The following MIR2052HG variants were observed in gnomAD, a reference collection of about 807,000 sequenced individuals.
MIR2052HG encodes MIR2052 host gene.
chr8:74,652,640 G>A (rs183316753), intron 2 of MIR2052HG, among the ~76,000 whole-genome samples: 4 of 152,214 alleles, frequency 2.6e-5, no homozygotes, highest in Admixed American at 2.6e-4. Context: ...TTTAAAAATA[G>A]GGTTCTCTGG....
At chr8:74,638,185 C>T (rs1238486839) in intron 2 of MIR2052HG, among the ~76,000 whole-genome samples, 2 of 152,192 alleles carry the variant, frequency 1.3e-5, no homozygotes, top group Admixed American at 1.3e-4. Flanking sequence ...AGAGAGAGAA[C>T]AGCACACACA....
rs187214826 is a variant in MIR2052HG at position 74,676,259 on chromosome 8, G to A, written n.217-26120G>A. On this transcript the variant is annotated intron_variant and non_coding_transcript_variant, in intron 2 of 6. Transcript: ENST00000523442. ...ACATATGTAGATGCATAAATAAATA[G>A]CAGATAAATTAATAATAAAATGTTG... is the stretch of plus-strand genomic sequence containing the variant. Among the ~76,000 whole-genome samples the A allele has an allele frequency of 3.6e-4, 55 of 152,080 alleles. No individual in the cohort carries two copies. In the East Asian group the frequency reaches 0.01, roughly 29 times the overall value.
At chr8:74,719,849 CTT>C (rs10647233) in intron 4 of MIR2052HG, among the ~76,000 whole-genome samples, 5 of 106,710 alleles carry the variant, frequency 4.7e-5, no homozygotes, top group Non-Finnish European at 7.3e-5. Flanking sequence ...TTTCTTTTTT[CTT>C]TTTTTTTTTT....
intron 2 of MIR2052HG, among the ~76,000 whole-genome samples, chr8:74,681,494 C>A (rs1302470218): frequency 6.6e-6 from 1 of 152,068 alleles, no homozygotes; most frequent in African/African-American, 2.4e-5. Context: ...CCAAGAAATG[C>A]AACTACCATG....
chr8:74,674,564 A>G (rs1360747511), intron 2 of MIR2052HG, among the ~76,000 whole-genome samples: 8 of 152,050 alleles, frequency 5.3e-5, no homozygotes, highest in Admixed American at 4.6e-4. Flanking sequence ...ATAAAGAATC[A>G]TGAGAGAATT....
At chr8:74,613,544 G>T (rs1013835791) in intron 2 of MIR2052HG, among the ~76,000 whole-genome samples, 15 of 152,150 alleles carry the variant, frequency 9.9e-5, no homozygotes, top group Non-Finnish European at 1.8e-4. Flanking sequence ...GGGTACAGTG[G>T]CAGGATCTTG....
At chr8:74,627,345 A>T (rs1186762739) in intron 2 of MIR2052HG, among the ~76,000 whole-genome samples, 1 of 152,228 alleles carries the variant, frequency 6.6e-6, no homozygotes, top group African/African-American at 2.4e-5. Flanking sequence ...TAAGCACATG[A>T]CCAATGGCTG....
intron 2 of MIR2052HG, among the ~76,000 whole-genome samples, chr8:74,647,336 T>C (rs1341920896): frequency 6.6e-6 from 1 of 152,184 alleles, no homozygotes; most frequent in Non-Finnish European, 1.5e-5. Context: ...TTGCTTTAAC[T>C]GTGAAATGGA....
At chr8:74,674,536 C>A (rs1809030825) in intron 2 of MIR2052HG, among the ~76,000 whole-genome samples, 1 of 151,964 alleles carries the variant, frequency 6.6e-6, no homozygotes, top group African/African-American at 2.4e-5. Context: ...CAGATGACTT[C>A]ATTTTTCCTA....
chr8:74,620,391 C>T (rs1174302160), intron 2 of MIR2052HG, among the ~76,000 whole-genome samples: 1 of 152,216 alleles, frequency 6.6e-6, no homozygotes, highest in Non-Finnish European at 1.5e-5. Context: ...GGTCACCAAC[C>T]TCACGTTTCC....
At chr8:74,675,960 G>A (rs1809047035) in intron 2 of MIR2052HG, among the ~76,000 whole-genome samples, 1 of 151,884 alleles carries the variant, frequency 6.6e-6, no homozygotes, top group African/African-American at 2.4e-5. Context: ...TCATATCCTT[G>A]ACTAAAGAAG....
intron 2 of MIR2052HG, among the ~76,000 whole-genome samples, chr8:74,677,931 A>ATAT (rs1320299208): frequency 2.0e-5 from 3 of 152,228 alleles, no homozygotes; most frequent in African/African-American, 7.2e-5. Flanking sequence ...GAAGTTACAA[A>ATAT]TATTATTACA....
intron 4 of MIR2052HG, among the ~76,000 whole-genome samples, chr8:74,722,033 T>C (rs1419992331): frequency 1.3e-5 from 2 of 151,964 alleles, no homozygotes; most frequent in Non-Finnish European, 2.9e-5. Flanking sequence ...TTCTACAAAG[T>C]TAAAAAATTA....
chr8:74,622,083 C>A (rs2553716), intron 2 of MIR2052HG, among the ~76,000 whole-genome samples: 110,835 of 152,082 alleles, frequency 0.73, 41,132 homozygotes, highest in African/African-American at 0.89. Context: ...GCACCTGCAC[C>A]GCAAAGAAAG....
chr8:74,628,992 A>C (rs1808473878), intron 2 of MIR2052HG: 1 of 152,070 alleles, frequency 6.6e-6, no homozygotes, highest in Non-Finnish European at 1.5e-5. Flanking sequence ...AAAATTGTGA[A>C]GGCTTTTTAA....
intron 1 of MIR2052HG, chr8:74,603,505 A>G: frequency 6.4e-7 from 1 of 1,568,034 alleles, no homozygotes. Flanking sequence ...ATCGTTTGGA[A>G]TGGTAAGTTC....
Sources: gnomAD v4.1 joint callset for allele counts (sites outside exome capture counted in the v4.1 genomes callset) on GRCh38, gnomAD v4.1.1 for gene constraint, MANE v1.5 for transcripts, NCBI Gene and HGNC (gene_info 2026-07-23, HGNC 2026-07-21) for gene names.